Variants in YAP1 observed in about 807,000 individuals in gnomAD.
YAP1 encodes the protein transcriptional coactivator YAP1.
Under a neutral mutation model 56.9 loss-of-function variants are expected in YAP1, and 5 were observed. The observed-to-expected ratio is 0.09, with a 90% confidence interval of 0.05 to 0.18. YAP1 has a LOEUF of 0.18. YAP1 is among the 10% of genes least tolerant of loss of function. YAP1 has a pLI of 1.00. For synonymous variants in YAP1, 265 were observed against 248.1 expected (o/e 1.07, Z -0.64); for missense variants, 539 against 651.8 (o/e 0.83, Z 1.88).
intron 3 of YAP1, among the ~76,000 whole-genome samples, chr11:102,165,974 CAA>C (rs1345798548): frequency 3.9e-5 from 6 of 152,124 alleles, no homozygotes; most frequent in Non-Finnish European, 7.4e-5. Context: ...ACTGTTCACT[CAA>C]GAGAAGAGAA....
At chr11:102,214,141 A>G (rs1949552131) in intron 6 of YAP1, among the ~76,000 whole-genome samples, 1 of 152,180 alleles carries the variant, frequency 6.6e-6, no homozygotes, top group Non-Finnish European at 1.5e-5. Context: ...CTGTATAAAG[A>G]TGTCTTAACT....
chr11:102,229,439 A>AT (rs988117301), intron 8 of YAP1, among the ~76,000 whole-genome samples: 2 of 151,654 alleles, frequency 1.3e-5, no homozygotes, highest in Non-Finnish European at 2.9e-5. Flanking sequence ...GGGCTTTTTT[A>AT]TTTTTTTCAT....
At chr11:102,123,922 C>T (rs373475537) in intron 2 of YAP1, among the ~76,000 whole-genome samples, 17 of 151,448 alleles carry the variant, frequency 1.1e-4, no homozygotes, top group East Asian at 9.7e-4. Flanking sequence ...CCACCATGCC[C>T]GGCCACTCCA....
In YAP1 at chr11:102,178,722, A is replaced by C. The variant is rs115001352; in HGVS notation, c.689-7296A>C. On this transcript the variant is annotated intron_variant, in intron 3 of 8. Coordinates refer to ENST00000282441, the MANE Select transcript of YAP1 (RefSeq NM_001130145.3). Reference sequence around the variant, plus strand: ...TACTACTCTCTTTTTGCTTATCCTGAATCAAATTTCTCACCCTCTGTCAAT... The same window carrying C: ...TACTACTCTCTTTTTGCTTATCCTGCATCAAATTTCTCACCCTCTGTCAAT... Among the ~76,000 whole-genome samples, 41 of 152,330 alleles carry C rather than the reference A, an allele frequency of 2.7e-4. No individual in the cohort carries two copies. The East Asian group carries it at 7.7e-3, about 29-fold the overall frequency.
chr11:102,172,758 G>A (rs1447443747), intron 3 of YAP1, among the ~76,000 whole-genome samples: 2 of 152,136 alleles, frequency 1.3e-5, no homozygotes, highest in African/African-American at 2.4e-5. Context: ...GGCTGGGGAT[G>A]GAGGGAGATG....
intron 4 of YAP1, among the ~76,000 whole-genome samples, chr11:102,188,262 G>A (rs537759188): frequency 1.3e-5 from 2 of 152,102 alleles, no homozygotes; most frequent in East Asian, 1.9e-4. Flanking sequence ...TTTGCTTTTC[G>A]ATATTCTTCA....
At chr11:102,203,455 C>T (rs1020092416) in intron 4 of YAP1, among the ~76,000 whole-genome samples, 26 of 152,130 alleles carry the variant, frequency 1.7e-4, no homozygotes, top group African/African-American at 6.3e-4. Flanking sequence ...TTATATTTTT[C>T]TTTTTTTAAA....
chr11:102,130,245 C>T (rs961382903), intron 2 of YAP1, among the ~76,000 whole-genome samples: 3 of 151,952 alleles, frequency 2.0e-5, no homozygotes, highest in Non-Finnish European at 4.4e-5. Context: ...ATTGGTACAC[C>T]TTAGTTCGTG....
intron 2 of YAP1, among the ~76,000 whole-genome samples, chr11:102,157,111 C>T (rs879916661): frequency 6.6e-6 from 1 of 152,114 alleles, no homozygotes. Flanking sequence ...TCAGTGATAG[C>T]TTAATTATTT....
At chr11:102,179,318 G>A (rs373085485) in intron 3 of YAP1, among the ~76,000 whole-genome samples, 5 of 152,222 alleles carry the variant, frequency 3.3e-5, no homozygotes, top group Middle Eastern at 3.4e-3. Flanking sequence ...CCCAGCTTTC[G>A]AGTGTGTAAA....
At chr11:102,112,031 G>A (rs1942960715) in intron 1 of YAP1, among the ~76,000 whole-genome samples, 1 of 152,168 alleles carries the variant, frequency 6.6e-6, no homozygotes, top group African/African-American at 2.4e-5. Context: ...CCCAGTTGTA[G>A]ACTATTATTT....
rs1007526993 is a variant in YAP1, at chr11:102,114,215, T to C, written c.393T>C (p.Ser131=). ...TTCGAGCTCATTCCTCTCCAGCTTC[T>C]CTGCAGTTGGGAGCTGTTTCTCCTG... ...QHVRAHSSPA[S]LQLGAVSPGT... The change falls in exon 2 of 9, where the codon TCT becomes TCC. Residue 131 remains serine, a synonymous_variant. Coordinates refer to ENST00000282441, the MANE Select transcript of YAP1 (RefSeq NM_001130145.3). The C allele has an allele frequency of 1.9e-6, 3 of 1,614,066 alleles. No individual in the cohort carries two copies. In the Admixed American group the frequency reaches 5.0e-5, roughly 27 times the overall value.
At chr11:102,112,662 C>G in intron 1 of YAP1, 1 of 985,142 alleles carries the variant, frequency 1.0e-6, no homozygotes, top group Non-Finnish European at 1.2e-6. Flanking sequence ...AATCACTTAA[C>G]CTGATGACAA....
intron 2 of YAP1, among the ~76,000 whole-genome samples, chr11:102,140,631 T>C (rs961148707): frequency 5.5e-4 from 84 of 151,996 alleles, no homozygotes; most frequent in Non-Finnish European, 8.8e-5. Context: ...GATCACGAGG[T>C]CAGGAGTTTG....
At chr11:102,166,643 G>A (rs1161258164) in intron 3 of YAP1, among the ~76,000 whole-genome samples, 1 of 152,210 alleles carries the variant, frequency 6.6e-6, no homozygotes, top group Non-Finnish European at 1.5e-5. Flanking sequence ...TGTCTTCTGA[G>A]TCTGCTAACC....
chr11:102,204,604 A>G (rs1347497951), intron 4 of YAP1, among the ~76,000 whole-genome samples: 2 of 152,192 alleles, frequency 1.3e-5, no homozygotes, highest in Non-Finnish European at 2.9e-5. Context: ...CCAAGAAGAA[A>G]TGGCATTTAC....
chr11:102,113,969 A>AT (rs1324698914), intron 1 of YAP1, among the ~76,000 whole-genome samples, 175 bp from the exon 2 acceptor site: 41 of 152,222 alleles, frequency 2.7e-4, no homozygotes, highest in Non-Finnish European at 3.5e-4. Context: ...TTAAAATTAT[A>AT]TAATATTAAA....
intron 4 of YAP1, among the ~76,000 whole-genome samples, chr11:102,195,615 T>A (rs974842618): frequency 6.6e-6 from 1 of 152,172 alleles, no homozygotes; most frequent in Admixed American, 6.5e-5. Flanking sequence ...GCTCGCAAGA[T>A]CTTATGGTTT....
intron 6 of YAP1, among the ~76,000 whole-genome samples, chr11:102,211,517 C>T (rs188927677): frequency 6.6e-6 from 1 of 152,200 alleles, no homozygotes; most frequent in Admixed American, 6.5e-5. Flanking sequence ...TAATATTTAC[C>T]TGGCATAATT....
Sources: allele counts gnomAD v4.1 joint callset (sites outside exome capture counted in the v4.1 genomes callset), GRCh38; gene constraint gnomAD v4.1.1; transcripts MANE v1.5; gene names NCBI Gene and HGNC (gene_info 2026-07-23, HGNC 2026-07-21).